Variants in C6 observed in about 807,000 individuals in gnomAD.
C6 encodes the protein complement C6, also known as complement component C6.
A neutral mutation model predicts 112.9 loss-of-function variants in C6; 101 were observed. That is an observed-to-expected ratio of 0.89 (90% CI 0.76 to 1.06). C6 has a LOEUF of 1.06. Among genes scored for constraint, C6 ranks in the 50% least tolerant of loss-of-function variants. The pLI is 0.00. For missense variants in C6, 1,202 were observed against 1,104.6 expected, an observed-to-expected ratio of 1.09 and a Z score of -1.25; for synonymous variants, 431 against 384.1, an observed-to-expected ratio of 1.12 and a Z score of -1.43.
intron 5 of C6, among the ~76,000 whole-genome samples, chr5:41,189,279 T>C (rs1750015242): frequency 6.6e-6 from 1 of 152,024 alleles, no homozygotes; most frequent in Admixed American, 6.6e-5. Flanking sequence ...CCTAAGTATA[T>C]ATGAAAGAGA....
intron 1 of C6, among the ~76,000 whole-genome samples, chr5:41,210,135 A>G (rs917203461): frequency 1.3e-5 from 2 of 152,230 alleles, no homozygotes; most frequent in Non-Finnish European, 2.9e-5. Context: ...TTTATTTAAT[A>G]AATGGTGTTG....
chr5:41,218,842 T>A (rs559634070), intron 1 of C6, among the ~76,000 whole-genome samples: 57 of 152,276 alleles, frequency 3.7e-4, no homozygotes, highest in African/African-American at 1.1e-3. Flanking sequence ...CTGGAAAAAA[T>A]GTACATGTGA....
Position 41,142,504 on chromosome 5 carries a change from C to T in C6, c.*321G>A, listed in dbSNP as rs9200. The T allele has an allele frequency of 0.56, 176,761 of 314,002 alleles. 53,074 individuals are homozygous for T. Among genetic ancestry groups the T allele is most frequent in the African/African-American group, 0.82 (39,612 of 48,370 alleles). The allele number at this position is 314,002 out of a possible 1,614,324, so 19.5% of individuals were successfully genotyped here. Reference sequence around the variant, plus strand: ...TGGGTTTTATTCTTATTTCTAATTGCGAGAATGCTTAATGTCACAGGCTAC... The same window carrying T: ...TGGGTTTTATTCTTATTTCTAATTGTGAGAATGCTTAATGTCACAGGCTAC... On this transcript the variant is annotated 3_prime_UTR_variant, in exon 18 of 18. Transcript: ENST00000337836.
intron 14 of C6, among the ~76,000 whole-genome samples, chr5:41,154,577 A>G (rs925416798): frequency 3.9e-5 from 6 of 152,216 alleles, no homozygotes; most frequent in Non-Finnish European, 8.8e-5. Context: ...ACAAAATCCC[A>G]TCTTACACAA....
chr5:41,215,925 A>C (rs1205004832), upstream of C6, among the ~76,000 whole-genome samples: 1 of 152,130 alleles, frequency 6.6e-6, no homozygotes, highest in Non-Finnish European at 1.5e-5. Context: ...TCATTATAGC[A>C]AAAGTACTAT....
chr5:41,185,524 T>C (rs1749698640), intron 6 of C6, among the ~76,000 whole-genome samples: 1 of 152,174 alleles, frequency 6.6e-6, no homozygotes, highest in South Asian at 2.1e-4. Context: ...ATGAGTTAGA[T>C]TCTGAGAGTA....
intron 9 of C6, among the ~76,000 whole-genome samples, chr5:41,163,395 C>T (rs561319461): frequency 6.6e-6 from 1 of 151,944 alleles, no homozygotes; most frequent in African/African-American, 2.4e-5. Flanking sequence ...TCACTGCAGC[C>T]TCTGCCTCCT....
At chr5:41,222,160 C>T (rs112176481) in intron 1 of C6, among the ~76,000 whole-genome samples, 1,524 of 144,836 alleles carry the variant, frequency 0.011, 35 homozygotes, top group African/African-American at 0.037. Flanking sequence ...AGAGAGACTC[C>T]ATCTCAAAAA....
chr5:41,203,857 A>C (rs1467920513), intron 1 of C6: 1 of 155,110 alleles, frequency 6.4e-6, no homozygotes, highest in Non-Finnish European at 1.4e-5. Flanking sequence ...TTGAGGCTGC[A>C]GGTCAAGTAG....
At position 41,203,439 on chromosome 5, in the gene C6, G is replaced by T. The variant is rs1751190692; in HGVS notation, c.-20-189C>A. ...AATCCTATTTTTAAAGATTTTTAGG[G>T]TGGAGATTACCATAGGCACAACCTC... On this transcript the variant is annotated intron_variant, in intron 1 of 17. Coordinates refer to ENST00000337836, the MANE Select transcript of C6 (RefSeq NM_000065.5). 6 of 564,060 alleles carry T rather than the reference G, an allele frequency of 1.1e-5. No individual in the cohort carries two copies. In the Admixed American group the frequency reaches 1.4e-4, roughly 14 times the overall value. The allele number at this position is 564,060 out of a possible 1,614,324, so 34.9% of individuals were successfully genotyped here.
chr5:41,149,461 A>G lies in C6; in HGVS notation c.2403T>C (p.Cys801=), dbSNP rs1746171112. The G allele has an allele frequency of 6.2e-7, 1 of 1,613,946 alleles. No individual in the cohort carries two copies. Among genetic ancestry groups the G allele is most frequent in the South Asian group, 1.1e-5 (1 of 91,088 alleles). The change falls in exon 17 of 18, where the codon TGT becomes TGC. Residue 801 remains cysteine (C), a synonymous_variant. Coordinates refer to ENST00000337836, the MANE Select transcript of C6 (RefSeq NM_000065.5). ...EDCSHHSEDL[C]VFDTDSNDYF... ...AATCGTTGGAGTCTGTGTCAAACAC[A>G]CAGAGATCTTCTGAATGATGGCTGC... is the stretch of plus-strand genomic sequence containing the variant.
intron 1 of C6, among the ~76,000 whole-genome samples, chr5:41,251,386 T>C (rs1268663679): frequency 6.6e-6 from 1 of 152,104 alleles, no homozygotes; most frequent in Non-Finnish European, 1.5e-5. Context: ...CCAGATGCAA[T>C]AGGTTGGATC....
rs762307673 is a variant in C6, at chr5:41,195,906, C to T, written c.473G>A (p.Cys158Tyr). Residue 158 changes from cysteine to tyrosine, a missense_variant, in exon 5 of 18, where the codon TGC (cysteine) becomes TAC (tyrosine). Physicochemically the swap from Cys to Tyr is radical, Grantham distance 194. Coordinates refer to ENST00000337836, the MANE Select transcript of C6 (RefSeq NM_000065.5). Reference protein sequence around the residue: ...SGRCIARKLECNGENDCGDNS... With the variant: ...SGRCIARKLEYNGENDCGDNS... ...GTCTCCACAGTCATTTTCTCCATTGCATTCTAACTTTCTGGCAATGCAGCG... is the reference window on the plus strand; with the variant it reads ...GTCTCCACAGTCATTTTCTCCATTGTATTCTAACTTTCTGGCAATGCAGCG... 3.1e-6 allele frequency: 5 copies of T among 1,613,972 alleles called. No homozygotes were observed. The highest frequency in any genetic ancestry group is 1.7e-5 in the Admixed American group (1 of 59,992).
intron 7 of C6, 101 bp downstream of exon 7, chr5:41,181,258 T>A (rs1467382006): frequency 1.9e-6 from 2 of 1,068,488 alleles, no homozygotes; most frequent in African/African-American, 3.1e-5. Context: ...TTAGAAGTCA[T>A]ACTGGTACAA....
At position 41,200,891 on chromosome 5, in the gene C6, G is replaced by GTTTTTTT. The variant is rs143443464; in HGVS notation, c.300+660_300+666dup. Among the ~76,000 whole-genome samples, 356 of 70,632 alleles carry GTTTTTTT rather than the reference G, an allele frequency of 5.0e-3. 22 individuals carry two copies. Among genetic ancestry groups the GTTTTTTT allele is most frequent in the African/African-American group, 6.3e-3 (98 of 15,464 alleles). The allele number at this position is 70,632 out of a possible 152,430, so 46.3% of individuals were successfully genotyped here. A position where few individuals can be genotyped will look rare whatever the true frequency, so the allele number is the denominator to read the frequency against. On this transcript the variant is annotated intron_variant, in intron 3 of 17. Transcript: ENST00000337836. The stretch of plus-strand genomic sequence containing the variant: ...TGTTTTTGTTGTTGTTGTTGTTGTT[G>GTTTTTTT]TTTTTTTTTTTTTTTTTTTTTTTTT...
chr5:41,204,430 G>A (rs1580185200), intron 1 of C6, among the ~76,000 whole-genome samples: 1 of 151,972 alleles, frequency 6.6e-6, no homozygotes, highest in South Asian at 2.1e-4. Flanking sequence ...TTTCCAAATT[G>A]CCCTGCTAAA....
chr5:41,235,564 T>C (rs1374281414), intron 1 of C6, among the ~76,000 whole-genome samples: 3 of 144,830 alleles, frequency 2.1e-5, no homozygotes, highest in Admixed American at 2.1e-4. Context: ...TATAGCAGCA[T>C]GATTTATAGT....
At chr5:41,223,301 A>G (rs1211733296) in intron 1 of C6, among the ~76,000 whole-genome samples, 1 of 152,186 alleles carries the variant, frequency 6.6e-6, no homozygotes. Flanking sequence ...CAAGGACTAG[A>G]TGGTTGAATA....
chr5:41,194,364 A>G (rs1403565290), intron 5 of C6, among the ~76,000 whole-genome samples: 2 of 152,174 alleles, frequency 1.3e-5, no homozygotes, highest in Admixed American at 6.5e-5. Context: ...GTGTAGTGAG[A>G]TAATGTAGAA....
Sources: gnomAD v4.1 joint callset for allele counts (sites outside exome capture counted in the v4.1 genomes callset) on GRCh38, gnomAD v4.1.1 for gene constraint, MANE v1.5 for transcripts, NCBI Gene and HGNC (gene_info 2026-07-23, HGNC 2026-07-21) for gene names.